AP2A1: variants seen among roughly 807,000 people sequenced by gnomAD.
AP2A1 encodes AP-2 complex subunit alpha-1.
In AP2A1, 21 loss-of-function variants were observed where a neutral mutation model predicts 107.3. The observed-to-expected ratio is 0.20, with a 90% CI of 0.14 to 0.28. The LOEUF is 0.28. Among genes scored for constraint, AP2A1 ranks in the 10% least tolerant of loss-of-function variants. AP2A1 has a pLI of 1.00. For missense variants in AP2A1, 873 were observed against 1,307.7 expected (o/e 0.67, Z 5.13); for synonymous variants, 602 against 564.8 (o/e 1.07, Z -0.93).
chr19:49,801,182 T>C (rs10421754), intron 12 of AP2A1, 124 bp downstream of exon 12: 478,150 of 1,049,396 alleles, frequency 0.46, 111,587 homozygotes, highest in Middle Eastern at 0.58. Context: ...TCCACCCCAA[T>C]CCACCTAGCA....
At position 49,795,739 on chromosome 19, in the gene AP2A1, G is replaced by A; in HGVS notation, c.814+1G>A. ...CTGCTGCAGTGCTACCCGCCTCCAG[G>A]TAATGAACGCCGTGCACTCCCCAAC... On this transcript the variant is annotated splice_donor_variant, in intron 7 of 22. Transcript: ENST00000354293. LOFTEE classifies it high-confidence loss of function. 1 of 1,547,962 alleles carries A rather than the reference G, an allele frequency of 6.5e-7. No homozygotes were observed.
chr19:49,793,171 C>G, intron 6 of AP2A1, 79 bp downstream of exon 6: 1 of 1,315,142 alleles, frequency 7.6e-7, no homozygotes, highest in Admixed American at 2.0e-5. Flanking sequence ...GGCCCCCACT[C>G]TCCCTGAGAG....
intron 1 of AP2A1, among the ~76,000 whole-genome samples, chr19:49,775,695 A>G (rs1374815366): frequency 2.0e-5 from 3 of 151,986 alleles, no homozygotes; most frequent in African/African-American, 7.3e-5. Flanking sequence ...GAGGCATTGC[A>G]CCCAGCCTTC....
At chr19:49,772,947 GA>G (rs922866605) in intron 1 of AP2A1, among the ~76,000 whole-genome samples, 12 of 151,890 alleles carry the variant, frequency 7.9e-5, no homozygotes, top group African/African-American at 2.9e-4. Flanking sequence ...GAGCTCTGGA[GA>G]AGGTTTCAAG....
chr19:49,797,264 A>G (rs2073224732), intron 7 of AP2A1: 1 of 152,172 alleles, frequency 6.6e-6, no homozygotes, highest in African/African-American at 2.4e-5. Flanking sequence ...ATTTGTTTGC[A>G]AGTCATTTTT....
In AP2A1 at chr19:49,801,773, C is replaced by T. The variant is rs866531037; in HGVS notation, c.1837C>T (p.Leu613=). The change falls in exon 14 of 23, where the codon CTG becomes TTG. Residue 613 remains leucine, a synonymous_variant. Coordinates refer to ENST00000354293, the MANE Select transcript of AP2A1 (RefSeq NM_130787.3). ...CTTCCCCGAGCGCGAGTCGTCCATC[C>T]TGGCCAAGCTGAAACGCAAGAAGGG... ...PPFPERESSI[L]AKLKRKKGPG... is the part of the protein sequence containing the mutation. 2.5e-6 allele frequency: 4 copies of T among 1,568,948 alleles called. No individual in the cohort carries two copies. Among genetic ancestry groups the T allele is most frequent in the Admixed American group, 3.7e-5 (2 of 54,070 alleles).
Position 49,799,315 on chromosome 19 carries a change from C to T in AP2A1, c.966-12C>T, listed in dbSNP as rs748181574. Reference sequence around the variant, plus strand: ...TCTCTCACCATCCCTCTCTTGTGGCCCCTGCTGGCAGTGAGCCCAACCTCC... The same window carrying T: ...TCTCTCACCATCCCTCTCTTGTGGCTCCTGCTGGCAGTGAGCCCAACCTCC... On this transcript the variant is annotated splice_polypyrimidine_tract_variant and intron_variant, in intron 8 of 22. Coordinates refer to ENST00000354293, the MANE Select transcript of AP2A1 (RefSeq NM_130787.3). 4 of 1,607,570 alleles carry T rather than the reference C, an allele frequency of 2.5e-6. No individual in the cohort carries two copies. Among genetic ancestry groups the T allele is most frequent in the Admixed American group, 3.3e-5 (2 of 59,812 alleles).
chr19:49,791,953 C>T lies in AP2A1; in HGVS notation c.492C>T (p.Val164=), dbSNP rs368241524. 9.9e-6 allele frequency: 16 copies of T among 1,610,292 alleles called. No homozygotes were observed. The highest frequency in any genetic ancestry group is 1.3e-5 in the Non-Finnish European group (15 of 1,178,890). ...ILVAGDSMDS[V]KQSAALCLLR... ...CCCACAGGGACAGCATGGACAGTGTCAAGCAGAGTGCGGCCCTGTGCCTCC... is the reference window on the plus strand; with the variant it reads ...CCCACAGGGACAGCATGGACAGTGTTAAGCAGAGTGCGGCCCTGTGCCTCC... Residue 164 remains valine, a synonymous_variant, in exon 5 of 23, where the codon GTC becomes GTT. Coordinates refer to ENST00000354293, the MANE Select transcript of AP2A1 (RefSeq NM_130787.3).
chr19:49,800,013 A>G lies in AP2A1; in HGVS notation c.1318A>G (p.Ser440Gly). The G allele has an allele frequency of 6.2e-7, 1 of 1,614,026 alleles. No individual in the cohort carries two copies. The highest frequency in any genetic ancestry group is 8.5e-7 in the Non-Finnish European group (1 of 1,179,862). The change falls in exon 11 of 23, where the codon AGC (serine) becomes GGC (glycine). Residue 440 changes from serine to glycine, a missense_variant. Around this residue, in one of 4 missense-constraint regions of AP2A1, gnomAD observed 213 missense variants for 443.5 expected, o/e 0.48. Transcript: ENST00000354293. ...ILAEKYAVDY[S>G]WYVDTILNLI... Reference sequence around the variant, plus strand: ...GGCCGAGAAGTACGCCGTGGACTACAGCTGGTACGTGGACACCATCCTCAA... The same window carrying G: ...GGCCGAGAAGTACGCCGTGGACTACGGCTGGTACGTGGACACCATCCTCAA...
intron 1 of AP2A1, 101 bp downstream of exon 1, chr19:49,767,301 T>C: frequency 2.1e-6 from 3 of 1,437,344 alleles, no homozygotes; most frequent in Non-Finnish European, 2.9e-6. Context: ...CAAAAGCCTC[T>C]GCGGCCGTAT....
At chr19:49,781,711 T>A (rs2084677535) in intron 1 of AP2A1, 46 bp from the exon 2 acceptor site, 1 of 1,547,722 alleles carries the variant, frequency 6.5e-7, no homozygotes, top group Non-Finnish European at 8.8e-7. Flanking sequence ...GGCAGGTGGC[T>A]GACTCCCCAG....
intron 4 of AP2A1, among the ~76,000 whole-genome samples, chr19:49,787,371 G>T (rs867994113): frequency 1.3e-4 from 15 of 118,906 alleles, no homozygotes; most frequent in African/African-American, 5.0e-4. Flanking sequence ...TTTTTTTGAG[G>T]CAGTCTCTCT....
intron 1 of AP2A1, among the ~76,000 whole-genome samples, chr19:49,779,712 C>G (rs980069676): frequency 2.2e-4 from 33 of 152,334 alleles, no homozygotes; most frequent in African/African-American, 7.0e-4. Flanking sequence ...GCCACCACGC[C>G]TAGCCCCTAT....
At chr19:49,796,909 A>G (rs953680093) in intron 7 of AP2A1, 1 of 152,268 alleles carries the variant, frequency 6.6e-6, no homozygotes, top group African/African-American at 2.4e-5. Flanking sequence ...CCCTCTGCAC[A>G]TGGTGTGTGT....
chr19:49,777,344 A>G, intron 1 of AP2A1, among the ~76,000 whole-genome samples: 1 of 151,862 alleles, frequency 6.6e-6, no homozygotes, highest in Admixed American at 6.6e-5. Flanking sequence ...TACTTTAAAA[A>G]GAGATTTCCA....
intron 18 of AP2A1, 72 bp from the exon 19 acceptor site, chr19:49,805,381 T>TC: frequency 6.9e-7 from 1 of 1,452,614 alleles, no homozygotes; most frequent in South Asian, 1.4e-5. Context: ...TGCCGGGAGC[T>TC]CTGGGGTTCC....
rs1318340230 is a variant in AP2A1, at chr19:49,805,575, C to G, written c.2467C>G (p.Arg823Gly). The G allele has an allele frequency of 6.3e-7, 1 of 1,575,022 alleles. No individual in the cohort carries two copies. The highest frequency in any genetic ancestry group is 8.6e-7 in the Non-Finnish European group (1 of 1,160,152). Reference protein sequence around the residue: ...LTPPLLSVRFRYGGAPQALTL... With the variant: ...LTPPLLSVRFGYGGAPQALTL... ...GCCCCCGCTGCTGTCCGTGCGCTTC[C>G]GGTGAGTCAGGTACGGCGCGGCCGG... The change falls in exon 19 of 23, where the codon CGG becomes GGG. Residue 823 changes from arginine (R) to glycine (G), a missense_variant and splice_region_variant. Coordinates refer to ENST00000354293, the MANE Select transcript of AP2A1 (RefSeq NM_130787.3).
intron 6 of AP2A1, 38 bp from the exon 7 acceptor site, chr19:49,795,592 C>CCCCCCCCAAAGGCTG: frequency 1.2e-6 from 1 of 854,026 alleles, no homozygotes; most frequent in South Asian, 1.4e-5. Context: ...GCCCCTCCCA[C>CCCCCCCCAAAGGCTG]CCCAGCCCCC....
rs188339014 is a variant in AP2A1 at position 49,794,684 on chromosome 19, T to C, written c.706-946T>C. Among the ~76,000 whole-genome samples the C allele has an allele frequency of 3.9e-5, 6 of 151,918 alleles. No individual in the cohort carries two copies. The East Asian group carries it at 1.2e-3, about 30-fold the overall frequency. On this transcript the variant is annotated intron_variant, in intron 6 of 22. Transcript: ENST00000354293. ...ACATGATCTTTCTTTTTTTTTGAGATGGAGTTTCGCTCTTATTGCCCAGGC... is the reference window on the plus strand; with the variant it reads ...ACATGATCTTTCTTTTTTTTTGAGACGGAGTTTCGCTCTTATTGCCCAGGC...
Sources: gnomAD v4.1 joint callset for allele counts (sites outside exome capture counted in the v4.1 genomes callset) on GRCh38, gnomAD v4.1.1 for gene constraint, gnomAD v4.1.1 regional missense constraint, MANE v1.5 for transcripts, NCBI Gene and HGNC (gene_info 2026-07-23, HGNC 2026-07-21) for gene names.